The following SEPTIN14 variants were observed in gnomAD, a reference collection of about 807,000 sequenced individuals.
SEPTIN14 encodes the protein septin-14.
In SEPTIN14, 40 loss-of-function variants were observed where a neutral mutation model predicts 53.6. The ratio of observed to expected loss-of-function variants is 0.75; its 90% CI spans 0.58 to 0.97. The LOEUF is 0.97. Ranked by LOEUF, SEPTIN14 falls within the 50% of genes least tolerant of loss-of-function variation. SEPTIN14 has a pLI of 0.00. For missense variants in SEPTIN14, 471 were observed against 508.2 expected, an observed-to-expected ratio of 0.93 and a Z score of 0.70; for synonymous variants, 138 against 166.8, an observed-to-expected ratio of 0.83 and a Z score of 1.33.
intron 2 of SEPTIN14, among the ~76,000 whole-genome samples, chr7:55,852,393 A>T (rs945848497): frequency 6.6e-6 from 1 of 152,208 alleles, no homozygotes; most frequent in Non-Finnish European, 1.5e-5. Flanking sequence ...AGACATGTAC[A>T]GTGAACTCAT....
At chr7:55,827,753 T>C (rs1426449337) in intron 6 of SEPTIN14, among the ~76,000 whole-genome samples, 1 of 152,082 alleles carries the variant, frequency 6.6e-6, no homozygotes, top group East Asian at 1.9e-4. Context: ...TAAACAAAGA[T>C]CAAACACACA....
intron 2 of SEPTIN14, among the ~76,000 whole-genome samples, chr7:55,852,139 C>CAAA (rs61390006): frequency 8.6e-6 from 1 of 115,646 alleles, no homozygotes. Context: ...GAGACTCTGT[C>CAAA]AAAAAAAAAA....
chr7:55,816,024 A>C (rs1584256210), intron 7 of SEPTIN14, among the ~76,000 whole-genome samples: 1 of 152,232 alleles, frequency 6.6e-6, no homozygotes, highest in African/African-American at 2.4e-5. Context: ...GCCATAAAAA[A>C]TAATGAGATC....
intron 7 of SEPTIN14, among the ~76,000 whole-genome samples, chr7:55,814,914 G>T (rs1788766646): frequency 6.6e-6 from 1 of 152,096 alleles, no homozygotes; most frequent in South Asian, 2.1e-4. Context: ...TATAGTAAGT[G>T]AAACAGCATG....
At chr7:55,814,994 C>A (rs752907271) in intron 7 of SEPTIN14, among the ~76,000 whole-genome samples, 2 of 152,010 alleles carry the variant, frequency 1.3e-5, no homozygotes, top group Non-Finnish European at 2.9e-5. Context: ...ATCCACACAG[C>A]CACAGAGAAC....
chr7:55,856,102 G>T (rs1426671695), intron 2 of SEPTIN14, among the ~76,000 whole-genome samples: 1 of 151,980 alleles, frequency 6.6e-6, no homozygotes, highest in East Asian at 1.9e-4. Flanking sequence ...CATCACCCAG[G>T]TACTGAGCAT....
chr7:55,804,480 A>C (rs1217715166), intron 9 of SEPTIN14, among the ~76,000 whole-genome samples: 1 of 151,924 alleles, frequency 6.6e-6, no homozygotes, highest in East Asian at 1.9e-4. Flanking sequence ...GCTGGTCTTG[A>C]ACTCCTGGCT....
intron 9 of SEPTIN14, 59 bp downstream of exon 9, chr7:55,805,199 C>A (rs1788592097): frequency 6.8e-7 from 1 of 1,474,750 alleles, no homozygotes; most frequent in African/African-American, 1.4e-5. Flanking sequence ...GATTAAAACC[C>A]CCAAATTAAT....
At chr7:55,801,907 C>T (rs555725359) in intron 9 of SEPTIN14, among the ~76,000 whole-genome samples, 26 of 151,916 alleles carry the variant, frequency 1.7e-4, no homozygotes, top group African/African-American at 5.3e-4. Flanking sequence ...GGTGACACAG[C>T]GAGATCTTGT....
In SEPTIN14 at chr7:55,794,156, A is replaced by G. The variant is rs1788387025; in HGVS notation, c.*1757T>C. ...TAGCATGAATCCTTCTGTGCCCTCA[A>G]AAACCCTATGGATTATACCATTATT... On this transcript the variant is annotated 3_prime_UTR_variant, in exon 10 of 10. Transcript: ENST00000388975. 1 of 152,162 alleles carries G rather than the reference A, an allele frequency of 6.6e-6. No homozygotes were observed. Among genetic ancestry groups the G allele is most frequent in the South Asian group, 2.1e-4 (1 of 4,830 alleles). 9.4% of individuals were successfully genotyped at this position (152,162 alleles called of 1,614,324 possible).
chr7:55,822,239 T>C (rs1367301379), intron 6 of SEPTIN14, among the ~76,000 whole-genome samples: 2 of 152,056 alleles, frequency 1.3e-5, no homozygotes, highest in African/African-American at 4.8e-5. Context: ...TAAAACTCTA[T>C]TGAAAAAATC....
intron 2 of SEPTIN14, among the ~76,000 whole-genome samples, chr7:55,859,958 T>A (rs1333081854): frequency 6.6e-6 from 1 of 152,148 alleles, no homozygotes; most frequent in Non-Finnish European, 1.5e-5. Context: ...GGCGGGTGGA[T>A]CACCAGAGGT....
At position 55,795,871 on chromosome 7, in the gene SEPTIN14, C is replaced by G. The variant is rs369496448; in HGVS notation, c.*42G>C. The G allele has an allele frequency of 7.4e-7, 1 of 1,348,982 alleles. No homozygotes were observed. The highest frequency in any genetic ancestry group is 1.8e-5 in the Admixed American group (1 of 56,862). The allele number at this position is 1,348,982 out of a possible 1,614,324, so 83.6% of individuals were successfully genotyped here. On this transcript the variant is annotated 3_prime_UTR_variant, in exon 10 of 10. Coordinates refer to ENST00000388975, the MANE Select transcript of SEPTIN14 (RefSeq NM_207366.3). ...ACAAAGACAATCTCACAGGAAGTTG[C>G]GATGTAGAATGATAGGGCTCTCAGA...
chr7:55,794,421 A>G lies in SEPTIN14; in HGVS notation c.*1492T>C, dbSNP rs1788391641. On this transcript the variant is annotated 3_prime_UTR_variant, in exon 10 of 10. Transcript: ENST00000388975. ...TAATCTACATTTTTAATGTATGCAT[A>G]TGGCATAGCTAATGTACTATTGCTG... 6.6e-6 allele frequency: 1 copy of G among 152,228 alleles called. No individual in the cohort carries two copies. The highest frequency in any genetic ancestry group is 1.5e-5 in the Non-Finnish European group (1 of 68,044). The allele number at this position is 152,228 out of a possible 1,614,324, so 9.4% of individuals were successfully genotyped here. A position where few individuals can be genotyped will look rare whatever the true frequency, so the allele number is the denominator to read the frequency against.
intron 5 of SEPTIN14, 102 bp from the exon 6 acceptor site, chr7:55,834,688 G>A (rs1562714740): frequency 1.1e-6 from 1 of 909,932 alleles, no homozygotes; most frequent in East Asian, 2.6e-5. Flanking sequence ...TGTCGCCCAG[G>A]CTGGAGTGCA....
At chr7:55,819,330 C>T in intron 6 of SEPTIN14, 107 bp from the exon 7 acceptor site, 2 of 792,410 alleles carry the variant, frequency 2.5e-6, no homozygotes, top group Non-Finnish European at 4.2e-6. Context: ...TGGCTCATGC[C>T]TGTAATCCCA....
intron 7 of SEPTIN14, among the ~76,000 whole-genome samples, chr7:55,811,567 T>C (rs1331357831): frequency 1.3e-5 from 2 of 148,272 alleles, no homozygotes; most frequent in Non-Finnish European, 3.0e-5. Context: ...AGTGGTGTGA[T>C]CTCAGCTCAC....
chr7:55,831,254 G>C (rs559861940), intron 6 of SEPTIN14, among the ~76,000 whole-genome samples: 1 of 151,982 alleles, frequency 6.6e-6, no homozygotes, highest in Non-Finnish European at 1.5e-5. Flanking sequence ...TGCTAGGAAG[G>C]ATACAGCTTA....
intron 6 of SEPTIN14, among the ~76,000 whole-genome samples, chr7:55,821,094 AC>A (rs1420833082): frequency 3.9e-5 from 6 of 152,024 alleles, no homozygotes; most frequent in African/African-American, 1.5e-4. Context: ...TTCGCATCCA[AC>A]CCCCATCTAC....
Sources: gnomAD v4.1 joint callset for allele counts (sites outside exome capture counted in the v4.1 genomes callset) on GRCh38, gnomAD v4.1.1 for gene constraint, MANE v1.5 for transcripts, NCBI Gene and HGNC (gene_info 2026-07-23, HGNC 2026-07-21) for gene names.